MAD1L1: variants seen among roughly 807,000 people sequenced by gnomAD.
MAD1L1 encodes the protein mitotic spindle assembly checkpoint protein MAD1.
Under a neutral mutation model 96.9 loss-of-function variants are expected in MAD1L1, and 95 were observed. The ratio of observed to expected loss-of-function variants is 0.98; its 90% confidence interval spans 0.83 to 1.16. The LOEUF (loss-of-function observed/expected upper bound fraction) is 1.16, where lower values mean the gene tolerates loss of function less well. Among genes scored for constraint, MAD1L1 ranks in the 50% most tolerant of loss-of-function variants. MAD1L1 has a pLI of 0.00. For synonymous variants in MAD1L1, 473 were observed against 396.6 expected (o/e 1.19, Z -2.29); for missense variants, 1,007 against 954.4 (o/e 1.06, Z -0.73).
chr7:2,160,920 A>C (rs1287545240), intron 10 of MAD1L1, among the ~76,000 whole-genome samples: 3 of 152,340 alleles, frequency 2.0e-5, no homozygotes, highest in Non-Finnish European at 2.9e-5. Context: ...ATAAAAAGAA[A>C]AATAATTCCC....
chr7:1,956,905 G>C (rs1172491239), intron 16 of MAD1L1, among the ~76,000 whole-genome samples: 1 of 152,250 alleles, frequency 6.6e-6, no homozygotes, highest in East Asian at 1.9e-4. Flanking sequence ...CGTAAGTGGT[G>C]CCTGCAGGGA....
chr7:2,194,084 T>C (rs968508405), intron 10 of MAD1L1, among the ~76,000 whole-genome samples: 8 of 151,752 alleles, frequency 5.3e-5, no homozygotes, highest in Admixed American at 1.3e-4. Flanking sequence ...GTTGGGACCA[T>C]GGGTGCGTGC....
chr7:1,904,210 C>G (rs1238168289), intron 17 of MAD1L1, among the ~76,000 whole-genome samples: 65 of 108,474 alleles, frequency 6.0e-4, no homozygotes, highest in African/African-American at 9.6e-4. Flanking sequence ...AGGCAGCGAG[C>G]ACGCAGTGGC....
At position 2,146,350 on chromosome 7, in the gene MAD1L1, C is replaced by T. The variant is rs1000943516; in HGVS notation, c.1073+2802G>A. On this transcript the variant is annotated intron_variant, in intron 11 of 18. Coordinates refer to ENST00000265854, the MANE Select transcript of MAD1L1 (RefSeq NM_001013836.2). This position sits in a 1 kb window ranked among gnomAD's most constrained non-coding sequence, Gnocchi z 6.2. ...GGGCACCGCCTCGAAGAGGGAGCAC[C>T]GGGCACTGGGCTACGAGGAACAGGG... Among the ~76,000 whole-genome samples, 1 of 150,784 alleles carries T rather than the reference C, an allele frequency of 6.6e-6. No individual in the cohort carries two copies. Among genetic ancestry groups the T allele is most frequent in the Non-Finnish European group, 1.5e-5 (1 of 67,912 alleles).
chr7:1,894,154 G>T (rs1434080215), intron 18 of MAD1L1, among the ~76,000 whole-genome samples: 1 of 152,184 alleles, frequency 6.6e-6, no homozygotes, highest in Non-Finnish European at 1.5e-5. Flanking sequence ...AGGTGGATGG[G>T]GCAGGACTGA....
chr7:2,024,751 C>T (rs757126851), intron 12 of MAD1L1, among the ~76,000 whole-genome samples: 1 of 152,154 alleles, frequency 6.6e-6, no homozygotes, highest in Non-Finnish European at 1.5e-5. Flanking sequence ...ACGACCCCAG[C>T]CCTGGGTTCA....
At chr7:1,825,884 GCA>G (rs1004046699) in intron 18 of MAD1L1, among the ~76,000 whole-genome samples, 1 of 152,084 alleles carries the variant, frequency 6.6e-6, no homozygotes, top group Non-Finnish European at 1.5e-5. Flanking sequence ...CCTGGGATGA[GCA>G]CAGTCCCAGC....
At chr7:2,083,043 G>C (rs150296251) in intron 11 of MAD1L1, among the ~76,000 whole-genome samples, 137 of 152,352 alleles carry the variant, frequency 9.0e-4, no homozygotes, top group Middle Eastern at 6.8e-3. Flanking sequence ...CCCCCAGGGG[G>C]AAGAGCCGTC....
chr7:1,894,099 T>C (rs983778881), intron 18 of MAD1L1, among the ~76,000 whole-genome samples: 4 of 152,214 alleles, frequency 2.6e-5, no homozygotes, highest in African/African-American at 9.6e-5. Context: ...GTGCCTCTCC[T>C]GTCACCAAGC....
intron 16 of MAD1L1, among the ~76,000 whole-genome samples, chr7:1,948,634 T>TCC (rs1779343296): frequency 6.6e-6 from 1 of 152,050 alleles, no homozygotes; most frequent in African/African-American, 2.4e-5. Context: ...GGTCAGGGGC[T>TCC]CCTCCCATGA....
rs140836908 is a variant in MAD1L1 at position 2,023,076 on chromosome 7, T to C, written c.1219-8434A>G. On this transcript the variant is annotated intron_variant, in intron 12 of 18. Coordinates refer to ENST00000265854, the MANE Select transcript of MAD1L1 (RefSeq NM_001013836.2). ...AGAACTACAAGGAGAAATGGCTCAA[T>C]TCACTGTTACAGTTGGAGGCTTCAA... Among the ~76,000 whole-genome samples, 372 of 152,308 alleles carry C rather than the reference T, an allele frequency of 2.4e-3. 1 individual carries two copies. Among genetic ancestry groups the C allele is most frequent in the Non-Finnish European group, 3.9e-3 (264 of 68,022 alleles).
intron 13 of MAD1L1, 115 bp downstream of exon 13, chr7:2,014,386 GC>G: frequency 7.4e-7 from 1 of 1,347,040 alleles, no homozygotes; most frequent in Non-Finnish European, 9.9e-7. Flanking sequence ...ACACCTGCCA[GC>G]CGGGAACTGG....
chr7:2,206,777 C>T (rs755771883), intron 10 of MAD1L1, among the ~76,000 whole-genome samples: 27 of 152,070 alleles, frequency 1.8e-4, no homozygotes, highest in Non-Finnish European at 3.2e-4. Flanking sequence ...CTTTACATTC[C>T]CATAGAAATT....
chr7:1,945,964 C>A (rs1244031359), intron 16 of MAD1L1, among the ~76,000 whole-genome samples: 4 of 152,166 alleles, frequency 2.6e-5, no homozygotes, highest in African/African-American at 9.7e-5. Flanking sequence ...CATGGACATA[C>A]CAAGCCTCCA....
At chr7:2,083,053 C>T (rs980750105) in intron 11 of MAD1L1, among the ~76,000 whole-genome samples, 9 of 152,224 alleles carry the variant, frequency 5.9e-5, no homozygotes, top group African/African-American at 2.2e-4. Flanking sequence ...GAAGAGCCGT[C>T]CCTCCCTGCG....
At chr7:1,861,234 G>A (rs1227962743) in intron 18 of MAD1L1, among the ~76,000 whole-genome samples, 1 of 152,226 alleles carries the variant, frequency 6.6e-6, no homozygotes, top group Non-Finnish European at 1.5e-5. Flanking sequence ...GGCAGGTGCT[G>A]GGTCCGGTGG....
intron 11 of MAD1L1, among the ~76,000 whole-genome samples, chr7:2,139,244 G>A (rs1275345403): frequency 6.7e-6 from 1 of 149,056 alleles, no homozygotes; most frequent in East Asian, 1.9e-4. Context: ...CCGACCCCCT[G>A]AGCCAGCAAT....
chr7:1,989,434 T>C (rs1781303821), intron 14 of MAD1L1, among the ~76,000 whole-genome samples: 1 of 152,272 alleles, frequency 6.6e-6, no homozygotes, highest in African/African-American at 2.4e-5. Flanking sequence ...AAGCAACCTG[T>C]TGATCTCCGG....
intron 10 of MAD1L1, among the ~76,000 whole-genome samples, chr7:2,183,982 G>T (rs1791333921): frequency 1.3e-5 from 2 of 152,102 alleles, no homozygotes; most frequent in South Asian, 4.1e-4. Context: ...CGGGCGCAGT[G>T]GCTCACGCCT....
Sources: allele counts gnomAD v4.1 joint callset (sites outside exome capture counted in the v4.1 genomes callset), GRCh38; gene constraint gnomAD v4.1.1; non-coding constraint Gnocchi (gnomAD v3.1); transcripts MANE v1.5; gene names NCBI Gene and HGNC (gene_info 2026-07-23, HGNC 2026-07-21).